The following SYS1 variants were observed in gnomAD, a reference collection of about 807,000 sequenced individuals.
SYS1 encodes the protein protein SYS1 homolog.
In SYS1, 8 loss-of-function variants were observed where a neutral mutation model predicts 17.8. That is an observed-to-expected ratio of 0.45 (90% CI 0.26 to 0.81). The LOEUF is 0.81. Ranked by LOEUF, SYS1 falls within the 40% of genes least tolerant of loss-of-function variation. The pLI, the probability that SYS1 is intolerant of heterozygous loss-of-function variation, is 0.16. For missense variants in SYS1, 161 were observed against 203.9 expected, an observed-to-expected ratio of 0.79 and a Z score of 1.28; for synonymous variants, 95 against 90.9, an observed-to-expected ratio of 1.05 and a Z score of -0.26.
downstream of SYS1, among the ~76,000 whole-genome samples, chr20:45,371,588 A>G (rs1988562163): frequency 6.6e-6 from 1 of 152,266 alleles, no homozygotes; most frequent in African/African-American, 2.4e-5. Flanking sequence ...CAAAGTTGGT[A>G]AGAAGCTAGG....
chr20:45,375,186 C>G, exon 4 of SYS1: 13 of 1,614,222 alleles, frequency 8.1e-6, no homozygotes, highest in Non-Finnish European at 1.0e-5. Context: ...ACCAGATCCA[C>G]TGGTCGGCTA....
chr20:45,364,557 C>T (rs1233162672), intron 2 of SYS1, among the ~76,000 whole-genome samples: 1 of 143,738 alleles, frequency 7.0e-6, no homozygotes, highest in Non-Finnish European at 1.5e-5. Context: ...CTGCAAGCTC[C>T]GCCTCCCGGG....
Position 45,374,922 on chromosome 20 carries a change from T to C in SYS1, c.*628T>C, listed in dbSNP as rs545428293. ...ACATGAAGGCGGAGCCTCCCAGCAC[T>C]ACCAGCCACACACCACTCAAGACTC... On this transcript the variant is annotated 3_prime_UTR_variant, in exon 4 of 4. Coordinates refer to the SYS1 transcript ENST00000426004. 7.8e-6 allele frequency: 11 copies of C among 1,405,566 alleles called. No individual in the cohort carries two copies. In the African/African-American group the frequency reaches 1.6e-4, roughly 20 times the overall value. 87.1% of individuals were successfully genotyped at this position (1,405,566 alleles called of 1,614,324 possible).
intron 3 of SYS1, 27 bp from the exon 4 acceptor site, chr20:45,366,848 C>T (rs372880219): frequency 6.3e-6 from 10 of 1,596,342 alleles, no homozygotes; most frequent in Non-Finnish European, 8.6e-6. Flanking sequence ...AACCCAGTGA[C>T]AACTCACTGC....
chr20:45,366,737 T>C, intron 3 of SYS1, 138 bp from the exon 4 acceptor site: 1 of 725,574 alleles, frequency 1.4e-6, no homozygotes, highest in South Asian at 1.7e-5. Context: ...CTTCTAGGCG[T>C]CTGGTATCAT....
chr20:45,373,669 C>G (rs936991820), downstream of SYS1: 1 of 559,552 alleles, frequency 1.8e-6, no homozygotes, highest in African/African-American at 1.9e-5. Context: ...AGCACACGAG[C>G]GCCCTGACTT....
exon 4 of SYS1, chr20:45,375,631 A>C: frequency 4.0e-6 from 6 of 1,510,654 alleles, no homozygotes; most frequent in Non-Finnish European, 5.3e-6. Flanking sequence ...TAGCCAGCTC[A>C]GGGGAGCCTG....
chr20:45,363,454 A>G, intron 1 of SYS1, 75 bp from the exon 2 acceptor site: 1 of 1,504,124 alleles, frequency 6.6e-7, no homozygotes, highest in Non-Finnish European at 8.9e-7. Context: ...CCTTGGTTCC[A>G]GTCCCTCCTC....
rs1988476905 is a variant in SYS1, at chr20:45,368,115, G to A, written c.*1000G>A. 4.1e-6 allele frequency: 4 copies of A among 985,402 alleles called. No individual in the cohort carries two copies. The highest frequency in any genetic ancestry group is 4.8e-6 in the Non-Finnish European group (4 of 829,920). The allele number at this position is 985,402 out of a possible 1,614,324, so 61.0% of individuals were successfully genotyped here. On this transcript the variant is annotated 3_prime_UTR_variant, in exon 4 of 4. Coordinates refer to ENST00000243918, the MANE Select transcript of SYS1 (RefSeq NM_033542.4). ...GTATACAAATACAGTATTTTCCATG[G>A]TTCTGCCTGCACTTACTTTGTAATG... is the stretch of plus-strand genomic sequence containing the variant.
chr20:45,375,656 A>G lies in SYS1; in HGVS notation c.*1362A>G, dbSNP rs548316015. On this transcript the variant is annotated 3_prime_UTR_variant, in exon 4 of 4. Coordinates refer to the SYS1 transcript ENST00000426004. ...AGGGGAGCCTGTTAAGAAAGGCTAG[A>G]GGGGCCTGCAAAGAAACTTCTCTAC... The G allele has an allele frequency of 3.8e-3, 5,375 of 1,421,152 alleles. 22 individuals carry two copies. The highest frequency in any genetic ancestry group is 5.5e-3 in the Middle Eastern group (21 of 3,840). 88.0% of individuals were successfully genotyped at this position (1,421,152 alleles called of 1,614,324 possible). A position where few individuals can be genotyped will look rare whatever the true frequency, so the allele number is the denominator to read the frequency against.
At chr20:45,362,642 A>C (rs1049854078), upstream of SYS1, among the ~76,000 whole-genome samples, 1 of 152,226 alleles carries the variant, frequency 6.6e-6, no homozygotes, top group Non-Finnish European at 1.5e-5. Flanking sequence ...CTGGGATTAC[A>C]GGCGTGAGCC....
exon 4 of SYS1, chr20:45,374,342 A>G (rs1214624873): frequency 1.5e-6 from 1 of 676,300 alleles, no homozygotes. Flanking sequence ...GCGAAGTCAC[A>G]GCTCACTGCA....
exon 4 of SYS1, chr20:45,375,247 A>G (rs1370982090): frequency 6.2e-7 from 1 of 1,614,042 alleles, no homozygotes; most frequent in African/African-American, 1.3e-5. Context: ...GTAGGGCTTA[A>G]TGAAGATGAC....
chr20:45,368,097 A>G lies in SYS1; in HGVS notation c.*982A>G. Reference sequence around the variant, plus strand: ...TGCAGCTATCCTTCCTGTGTATACAAATACAGTATTTTCCATGGTTCTGCC... The same window carrying G: ...TGCAGCTATCCTTCCTGTGTATACAGATACAGTATTTTCCATGGTTCTGCC... On this transcript the variant is annotated 3_prime_UTR_variant, in exon 4 of 4. Coordinates refer to ENST00000243918, the MANE Select transcript of SYS1 (RefSeq NM_033542.4). 1.0e-6 allele frequency: 1 copy of G among 985,402 alleles called. No individual in the cohort carries two copies. The highest frequency in any genetic ancestry group is 1.2e-6 in the Non-Finnish European group (1 of 829,940). 61.0% of individuals were successfully genotyped at this position (985,402 alleles called of 1,614,324 possible). A position where few individuals can be genotyped will look rare whatever the true frequency, so the allele number is the denominator to read the frequency against.
downstream of SYS1, chr20:45,374,107 C>T: frequency 8.5e-7 from 1 of 1,182,296 alleles, no homozygotes; most frequent in Admixed American, 1.8e-5. Context: ...GCTGTGGTGT[C>T]TGGTAGGTTG....
rs1019343139 is a variant in SYS1 at position 45,367,447 on chromosome 20, G to C, written c.*332G>C. 1 of 1,134,332 alleles carries C rather than the reference G, an allele frequency of 8.8e-7. No individual in the cohort carries two copies. Among genetic ancestry groups the C allele is most frequent in the Non-Finnish European group, 1.1e-6 (1 of 920,270 alleles). 70.3% of individuals were successfully genotyped at this position (1,134,332 alleles called of 1,614,324 possible). ...GTTTTAAGAGAGAAAAAAAATCAAG[G>C]ATATCTGATTGGAGCAAACCACTTC... On this transcript the variant is annotated 3_prime_UTR_variant, in exon 4 of 4. Coordinates refer to ENST00000243918, the MANE Select transcript of SYS1 (RefSeq NM_033542.4).
At position 45,363,657 on chromosome 20, in the gene SYS1, A is replaced by AAGC; in HGVS notation, c.130_132dup (p.Ser44dup). Reference sequence around the variant, plus strand: ...TGGCGCTGGTGGACGGGCTAGTGCGAAGCAGCCCCTCGCTGGACCAGATGT... The same window carrying AAGC: ...TGGCGCTGGTGGACGGGCTAGTGCGAAGCAGCAGCCCCTCGCTGGACCAGATGT... On this transcript the variant is annotated inframe_insertion, in exon 2 of 4. Transcript: ENST00000243918. The AAGC allele has an allele frequency of 1.3e-6, 2 of 1,575,552 alleles. No homozygotes were observed. Among genetic ancestry groups the AAGC allele is most frequent in the Non-Finnish European group, 1.7e-6 (2 of 1,162,024 alleles).
Position 45,367,514 on chromosome 20 carries a change from T to G in SYS1, c.*399T>G. 1 of 1,012,510 alleles carries G rather than the reference T, an allele frequency of 9.9e-7. No individual in the cohort carries two copies. The highest frequency in any genetic ancestry group is 1.2e-6 in the Non-Finnish European group (1 of 844,798). 62.7% of individuals were successfully genotyped at this position (1,012,510 alleles called of 1,614,324 possible). ...ACCCCCCTGGGACAGCTGTTACCTT[T>G]GCAGTGTTGCCGAATCACAGCAGTT... is the stretch of plus-strand genomic sequence containing the variant. On this transcript the variant is annotated 3_prime_UTR_variant, in exon 4 of 4. Transcript: ENST00000243918.
exon 4 of SYS1, chr20:45,375,341 C>T (rs367978127): frequency 6.2e-7 from 1 of 1,614,048 alleles, no homozygotes; most frequent in Non-Finnish European, 8.5e-7. Flanking sequence ...ACCTCAGGCT[C>T]TATATGCTTT....
Sources: gnomAD v4.1 joint callset for allele counts (sites outside exome capture counted in the v4.1 genomes callset) on GRCh38, gnomAD v4.1.1 for gene constraint, MANE v1.5 for transcripts, NCBI Gene and HGNC (gene_info 2026-07-23, HGNC 2026-07-21) for gene names.